The following KIAA0513 variants were observed in gnomAD, a reference collection of about 807,000 sequenced individuals.
KIAA0513 encodes KIAA0513.
A neutral mutation model predicts 56.5 loss-of-function variants in KIAA0513; 39 were observed. The ratio of observed to expected loss-of-function variants is 0.69; its 90% CI spans 0.53 to 0.90. The LOEUF (loss-of-function observed/expected upper bound fraction) is 0.90. Among genes scored for constraint, KIAA0513 ranks in the 40% least tolerant of loss-of-function variants. The pLI is 0.00. For synonymous variants in KIAA0513, 268 were observed against 215.6 expected, an observed-to-expected ratio of 1.24 and a Z score of -2.13; for missense variants, 591 against 535.2, an observed-to-expected ratio of 1.10 and a Z score of -1.03.
intron 1 of KIAA0513, among the ~76,000 whole-genome samples, chr16:85,036,899 T>C (rs562439740): frequency 1.3e-5 from 2 of 152,216 alleles, no homozygotes; most frequent in Admixed American, 1.3e-4. Context: ...CCTTGCTCAA[T>C]AGAGGAAGAA....
At chr16:85,049,172 G>A (rs1297762885) in intron 1 of KIAA0513, among the ~76,000 whole-genome samples, 1 of 152,386 alleles carries the variant, frequency 6.6e-6, no homozygotes, top group South Asian at 2.1e-4. Flanking sequence ...GAGATGGCAG[G>A]TGTCACGGGT....
intron 1 of KIAA0513, among the ~76,000 whole-genome samples, chr16:85,055,667 G>C (rs1597611176): frequency 6.6e-6 from 1 of 152,150 alleles, no homozygotes; most frequent in African/African-American, 2.4e-5. Flanking sequence ...GACACCTACT[G>C]ACATGGATAT....
intron 1 of KIAA0513, among the ~76,000 whole-genome samples, chr16:85,046,565 C>T (rs1435354061): frequency 2.0e-5 from 3 of 152,206 alleles, no homozygotes; most frequent in Non-Finnish European, 2.9e-5. Context: ...TACAGATGGA[C>T]GGCCCGTCTG....
At chr16:85,078,324 A>G in intron 6 of KIAA0513, 91 bp from the exon 7 acceptor site, 1 of 1,382,846 alleles carries the variant, frequency 7.2e-7, no homozygotes, top group Non-Finnish European at 1.0e-6. Flanking sequence ...AAATGTACCC[A>G]GTCCCACCTT....
chr16:85,071,325 G>A (rs544403322), intron 2 of KIAA0513, among the ~76,000 whole-genome samples: 1 of 152,230 alleles, frequency 6.6e-6, no homozygotes, highest in Admixed American at 6.5e-5. Flanking sequence ...AGACCTTGGC[G>A]TCAGTATGCT....
chr16:85,067,359 G>A lies in KIAA0513; in HGVS notation c.288G>A (p.Arg96=), dbSNP rs920756265. ...STQDEETLAL[R]DFMRGYVEKI... is the part of the protein sequence containing the mutation. Reference sequence around the variant, plus strand: ...AGGATGAAGAGACCCTGGCACTCAGGGACTTCATGCGTGGCTACGTGGAGA... The same window carrying A: ...AGGATGAAGAGACCCTGGCACTCAGAGACTTCATGCGTGGCTACGTGGAGA... Residue 96 remains arginine (R), a synonymous_variant, in exon 2 of 13, where the codon AGG becomes AGA. Coordinates refer to ENST00000683363, the MANE Select transcript of KIAA0513 (RefSeq NM_001388359.1). 1.2e-6 allele frequency: 2 copies of A among 1,608,776 alleles called. No homozygotes were observed. The highest frequency in any genetic ancestry group is 1.3e-5 in the African/African-American group (1 of 75,060).
intron 1 of KIAA0513, among the ~76,000 whole-genome samples, chr16:85,043,812 C>T (rs1375943081): frequency 6.6e-6 from 1 of 152,188 alleles, no homozygotes; most frequent in African/African-American, 2.4e-5. Flanking sequence ...GCGGGCGGAT[C>T]ACCTGAGGTC....
Position 85,086,801 on chromosome 16 carries a change from C to G in KIAA0513, c.1091+77C>G, listed in dbSNP as rs142117737. ...GTGAGCTGTCACACCTGGTATCACA[C>G]CCTGGGGTGTGATGTCAGCCTGCTC... On this transcript the variant is annotated intron_variant, in intron 11 of 12. Transcript: ENST00000683363. 53 of 1,313,184 alleles carry G rather than the reference C, an allele frequency of 4.0e-5. No homozygotes were observed. The African/African-American group carries it at 6.2e-4, about 15-fold the overall frequency. The allele number at this position is 1,313,184 out of a possible 1,614,324, so 81.3% of individuals were successfully genotyped here. A position where few individuals can be genotyped will look rare whatever the true frequency, so the allele number is the denominator to read the frequency against.
chr16:85,069,834 C>A (rs2073545882), intron 2 of KIAA0513, among the ~76,000 whole-genome samples: 1 of 152,132 alleles, frequency 6.6e-6, no homozygotes, highest in Admixed American at 6.5e-5. Flanking sequence ...CTGAGAGGCA[C>A]TGGCTTAAGG....
At chr16:85,082,318 G>C (rs758497876) in intron 9 of KIAA0513, among the ~76,000 whole-genome samples, 1 of 152,082 alleles carries the variant, frequency 6.6e-6, no homozygotes, top group African/African-American at 2.4e-5. Flanking sequence ...GAGGAGCCTC[G>C]AGAGACCCCG....
At chr16:85,036,383 CTG>C (rs1383716136) in intron 1 of KIAA0513, among the ~76,000 whole-genome samples, 1 of 152,206 alleles carries the variant, frequency 6.6e-6, no homozygotes, top group East Asian at 1.9e-4. Flanking sequence ...GTTTCTGACT[CTG>C]TGGATTCGCC....
intron 6 of KIAA0513, 85 bp from the exon 7 acceptor site, chr16:85,078,330 A>C (rs1003779298): frequency 6.9e-7 from 1 of 1,459,002 alleles, no homozygotes; most frequent in Non-Finnish European, 9.6e-7. Flanking sequence ...ACCCAGTCCC[A>C]CCTTAGAAGT....
At chr16:85,029,611 A>G (rs1055085160) in intron 1 of KIAA0513, among the ~76,000 whole-genome samples, 1 of 152,184 alleles carries the variant, frequency 6.6e-6, no homozygotes, top group African/African-American at 2.4e-5. Context: ...GGGATGAGTC[A>G]TGCTGTCTGC....
At chr16:85,072,419 A>G (rs2073591044) in intron 3 of KIAA0513, among the ~76,000 whole-genome samples, 1 of 152,240 alleles carries the variant, frequency 6.6e-6, no homozygotes, top group African/African-American at 2.4e-5. Context: ...AGCCATGTGA[A>G]GAAAATATAT....
chr16:85,069,653 A>C (rs574497388), intron 2 of KIAA0513, among the ~76,000 whole-genome samples: 2 of 152,006 alleles, frequency 1.3e-5, no homozygotes, highest in South Asian at 2.1e-4. Flanking sequence ...TCCACCATTC[A>C]CAGCAGCACA....
intron 1 of KIAA0513, among the ~76,000 whole-genome samples, chr16:85,043,452 C>G (rs2073130140): frequency 6.8e-6 from 1 of 146,998 alleles, no homozygotes; most frequent in South Asian, 2.2e-4. Flanking sequence ...CGCTCCATCA[C>G]CCAGGCTGGA....
chr16:85,067,744 C>T (rs2073509296), intron 2 of KIAA0513, among the ~76,000 whole-genome samples: 1 of 152,216 alleles, frequency 6.6e-6, no homozygotes, highest in South Asian at 2.1e-4. Context: ...GAGTGCCCAG[C>T]TCACAGGTCC....
intron 2 of KIAA0513, among the ~76,000 whole-genome samples, chr16:85,067,989 T>C (rs1335567361): frequency 6.6e-6 from 1 of 151,784 alleles, no homozygotes; most frequent in Non-Finnish European, 1.5e-5. Flanking sequence ...TTTTGTATTT[T>C]CAATAGAGAC....
intron 1 of KIAA0513, among the ~76,000 whole-genome samples, chr16:85,049,365 G>A (rs780441086): frequency 5.3e-5 from 8 of 152,214 alleles, no homozygotes; most frequent in Non-Finnish European, 1.2e-4. Flanking sequence ...ATCCAAAGAC[G>A]GTGGAGGTTG....
Sources: allele counts gnomAD v4.1 joint callset (sites outside exome capture counted in the v4.1 genomes callset), GRCh38; gene constraint gnomAD v4.1.1; transcripts MANE v1.5; gene names NCBI Gene and HGNC (gene_info 2026-07-23, HGNC 2026-07-21).